The following ZNF24 variants were observed in gnomAD, a reference collection of about 807,000 sequenced individuals.
ZNF24 encodes zinc finger protein 24, also known as retinoic acid suppression protein A.
In ZNF24, 11 loss-of-function variants were observed where a neutral mutation model predicts 40.9. The ratio of observed to expected loss-of-function variants is 0.27; its 90% CI spans 0.17 to 0.45. The LOEUF (loss-of-function observed/expected upper bound fraction) is 0.45. ZNF24 is among the 20% of genes least tolerant of loss of function. The pLI is 1.00. For missense variants in ZNF24, 293 were observed against 437.7 expected (o/e 0.67, Z 2.95); for synonymous variants, 139 against 154.7 (o/e 0.90, Z 0.75).
rs2044897192 is a variant in ZNF24, at chr18:35,335,400, ATTG to A, written c.*1829_*1831del. Reference sequence around the variant, plus strand: ...TAATCTATAAAGCACATTTTTTATAATTGTTATCAGAAAACCTATAAACAAGCT... The same window carrying A: ...TAATCTATAAAGCACATTTTTTATAATTATCAGAAAACCTATAAACAAGCT... On this transcript the variant is annotated 3_prime_UTR_variant, in exon 4 of 4. Transcript: ENST00000261332. 2 of 152,184 alleles carry A rather than the reference ATTG, an allele frequency of 1.3e-5. No individual in the cohort carries two copies. The highest frequency in any genetic ancestry group is 6.5e-5 in the Admixed American group (1 of 15,284). 9.4% of individuals were successfully genotyped at this position (152,184 alleles called of 1,614,324 possible).
At position 35,336,441 on chromosome 18, in the gene ZNF24, A is replaced by C. The variant is rs2044910916; in HGVS notation, c.*791T>G. On this transcript the variant is annotated 3_prime_UTR_variant, in exon 4 of 4. Coordinates refer to ENST00000261332, the MANE Select transcript of ZNF24 (RefSeq NM_006965.4). ...GCTACAAATTTTTCCCTAGTGTTAT[A>C]ATTTCTACCTTCATTATTTTACAAC... is the stretch of plus-strand genomic sequence containing the variant. The C allele has an allele frequency of 6.6e-6, 1 of 152,292 alleles. No individual in the cohort carries two copies. Among genetic ancestry groups the C allele is most frequent in the East Asian group, 1.9e-4 (1 of 5,188 alleles). 9.4% of individuals were successfully genotyped at this position (152,292 alleles called of 1,614,324 possible).
In ZNF24 at chr18:35,340,813, A is replaced by G; in HGVS notation, c.-83-80T>C. 1 of 659,790 alleles carries G rather than the reference A, an allele frequency of 1.5e-6. No homozygotes were observed. 40.9% of individuals were successfully genotyped at this position (659,790 alleles called of 1,614,324 possible). A position where few individuals can be genotyped will look rare whatever the true frequency, so the allele number is the denominator to read the frequency against. ...GAACTTATACTGGTAAAAGTAAAAG[A>G]TACTTGTTCTTTGAGTTAAAAATTC... On this transcript the variant is annotated intron_variant, in intron 1 of 3. Transcript: ENST00000261332. The surrounding 1 kb of genome is among the most constrained non-coding windows in gnomAD (Gnocchi z 4.6).
In ZNF24 at chr18:35,337,622, A is replaced by C; in HGVS notation, c.717T>G (p.Phe239Leu). Residue 239 changes from phenylalanine to leucine, a missense_variant, in exon 4 of 4, where the codon TTT becomes TTG. Phe to Leu is a conservative substitution (Grantham distance 22). Transcript: ENST00000261332. ...TTCGAGAGGGATTTCTCTTTCTTTCAAACCTGCCCTTGGGGAAACAGGTTT... is the reference window on the plus strand; with the variant it reads ...TTCGAGAGGGATTTCTCTTTCTTTCCAACCTGCCCTTGGGGAAACAGGTTT... The part of the protein sequence containing the change: ...YGETCFPKGR[F>L]ERKRNPSRKK... 2 of 1,614,086 alleles carry C rather than the reference A, an allele frequency of 1.2e-6. No homozygotes were observed. The highest frequency in any genetic ancestry group is 1.7e-6 in the Non-Finnish European group (2 of 1,179,984).
At chr18:35,342,998 A>C (rs2044983443) in intron 1 of ZNF24, among the ~76,000 whole-genome samples, 1 of 152,170 alleles carries the variant, frequency 6.6e-6, no homozygotes, top group Non-Finnish European at 1.5e-5. Flanking sequence ...GTGTTTCCTG[A>C]CACACACAAG....
In ZNF24 at chr18:35,336,341, A is replaced by G. The variant is rs900923522; in HGVS notation, c.*891T>C. 23 of 152,258 alleles carry G rather than the reference A, an allele frequency of 1.5e-4. No individual in the cohort carries two copies. The highest frequency in any genetic ancestry group is 5.6e-4 in the African/African-American group (23 of 41,330). The allele number at this position is 152,258 out of a possible 1,614,324, so 9.4% of individuals were successfully genotyped here. A position where few individuals can be genotyped will look rare whatever the true frequency, so the allele number is the denominator to read the frequency against. On this transcript the variant is annotated 3_prime_UTR_variant, in exon 4 of 4. Transcript: ENST00000261332. The stretch of plus-strand genomic sequence containing the variant: ...AAAGATGAAGGCAAAATAATGATGA[A>G]CTCTATCATCTTTTTCTAAAAGCCA...
Position 35,334,362 on chromosome 18 carries a change from A to T in ZNF24, c.*2870T>A, listed in dbSNP as rs1342027004. The T allele has an allele frequency of 6.6e-6, 1 of 152,210 alleles. No individual in the cohort carries two copies. The highest frequency in any genetic ancestry group is 2.4e-5 in the African/African-American group (1 of 41,454). The allele number at this position is 152,210 out of a possible 1,614,324, so 9.4% of individuals were successfully genotyped here. ...CACATGCAAGTCACATGATCTCTGA[A>T]TCTTGCTTTCCTAGTCCACAAATCT... On this transcript the variant is annotated 3_prime_UTR_variant, in exon 4 of 4. Transcript: ENST00000261332.
Position 35,332,262 on chromosome 18 carries a change from AG to A in ZNF24, c.*4969del, listed in dbSNP as rs1433795177. On this transcript the variant is annotated 3_prime_UTR_variant, in exon 4 of 4. Transcript: ENST00000261332. ...CCATGCTAATTTTATTAACTTATAT[AG>A]TGCATAAAGTCTAGAATTTAAAATT... The A allele has an allele frequency of 6.6e-6, 1 of 152,254 alleles. No homozygotes were observed. The highest frequency in any genetic ancestry group is 1.5e-5 in the Non-Finnish European group (1 of 68,048). 9.4% of individuals were successfully genotyped at this position (152,254 alleles called of 1,614,324 possible).
Position 35,340,719 on chromosome 18 carries a change from T to C in ZNF24, c.-69A>G. The C allele has an allele frequency of 7.0e-7, 1 of 1,424,436 alleles. No homozygotes were observed. Among genetic ancestry groups the C allele is most frequent in the South Asian group, 1.3e-5 (1 of 76,156 alleles). The allele number at this position is 1,424,436 out of a possible 1,614,324, so 88.2% of individuals were successfully genotyped here. ...TAAGCCTCAGGGCAATACCCCGTTTTCTTCACAGGCACTCCTGAGGCATAA... is the reference window on the plus strand; with the variant it reads ...TAAGCCTCAGGGCAATACCCCGTTTCCTTCACAGGCACTCCTGAGGCATAA... On this transcript the variant is annotated 5_prime_UTR_variant, in exon 2 of 4. Transcript: ENST00000261332. The surrounding 1 kb of genome is among the most constrained non-coding windows in gnomAD (Gnocchi z 4.6).
chr18:35,343,855 G>A (rs1413424261), intron 1 of ZNF24: 1 of 121,660 alleles, frequency 8.2e-6, no homozygotes, highest in South Asian at 2.4e-4. Flanking sequence ...GTGTATCCCG[G>A]CCCCGGCCCC....
intron 3 of ZNF24, chr18:35,338,547 T>C: frequency 3.0e-6 from 3 of 986,268 alleles, no homozygotes; most frequent in Non-Finnish European, 3.6e-6. Context: ...CATTTAAGAC[T>C]TTTCTAAAAC....
In ZNF24 at chr18:35,340,535, C is replaced by T. The variant is rs2044958634; in HGVS notation, c.116G>A (p.Ser39Asn). The T allele has an allele frequency of 6.2e-7, 1 of 1,614,230 alleles. No individual in the cohort carries two copies. Among genetic ancestry groups the T allele is most frequent in the Non-Finnish European group, 8.5e-7 (1 of 1,180,042 alleles). ...EEDPDGEEGS[S>N]IPWNHLPDPE... ...GTCTGGGAGATGGTTCCAGGGGATACTTGATCCCTCTTCGCCATCAGGATC... is the reference window on the plus strand; with the variant it reads ...GTCTGGGAGATGGTTCCAGGGGATATTTGATCCCTCTTCGCCATCAGGATC... The change falls in exon 2 of 4, where the codon AGT becomes AAT. Residue 39 changes from serine (S) to asparagine (N), a missense_variant. Physicochemically the swap from Ser to Asn is conservative, Grantham distance 46 (BLOSUM62 1). Around this residue, in one of 2 missense-constraint regions of ZNF24, gnomAD observed 234 missense variants for 299.2 expected, o/e 0.78. Coordinates refer to ENST00000261332, the MANE Select transcript of ZNF24 (RefSeq NM_006965.4). The surrounding 1 kb of genome is among the most constrained non-coding windows in gnomAD (Gnocchi z 4.6).
chr18:35,338,467 T>C, intron 3 of ZNF24: 2 of 985,466 alleles, frequency 2.0e-6, no homozygotes, highest in Non-Finnish European at 1.2e-6. Context: ...ACGTGTCCAA[T>C]GAAAGAAAAG....
Position 35,340,011 on chromosome 18 carries a change from T to C in ZNF24, c.421-35A>G, listed in dbSNP as rs749932238. Reference sequence around the variant, plus strand: ...GAAAGATTTGATTCAGAGAAGGAACTGTAATGAGAATCAGAACTAAAAACA... The same window carrying C: ...GAAAGATTTGATTCAGAGAAGGAACCGTAATGAGAATCAGAACTAAAAACA... On this transcript the variant is annotated intron_variant, in intron 2 of 3. Coordinates refer to ENST00000261332, the MANE Select transcript of ZNF24 (RefSeq NM_006965.4). The surrounding 1 kb of genome is among the most constrained non-coding windows in gnomAD (Gnocchi z 4.6). 5 of 1,588,438 alleles carry C rather than the reference T, an allele frequency of 3.1e-6. No individual in the cohort carries two copies. The highest frequency in any genetic ancestry group is 3.4e-5 in the Admixed American group (2 of 58,028).
chr18:35,337,451 T>G lies in ZNF24; in HGVS notation c.888A>C (p.Gln296His). The part of the protein sequence containing the change: ...KAFSRSSILV[Q>H]HQRVHTGEKP... ...TTTCTCCAGTGTGGACTCTCTGGTG[T>G]TGCACAAGAATGGAACTTCGGCTGA... is the stretch of plus-strand genomic sequence containing the variant. Residue 296 changes from glutamine to histidine, a missense_variant, in exon 4 of 4, where the codon CAA (glutamine) becomes CAC (histidine). Gln to His is a conservative substitution (Grantham distance 24, BLOSUM62 0). Coordinates refer to ENST00000261332, the MANE Select transcript of ZNF24 (RefSeq NM_006965.4). 6.2e-7 allele frequency: 1 copy of G among 1,613,638 alleles called. No homozygotes were observed. Among genetic ancestry groups the G allele is most frequent in the Non-Finnish European group, 8.5e-7 (1 of 1,179,600 alleles).
rs1401190303 is a variant in ZNF24 at position 35,337,328 on chromosome 18, G to A, written c.1011C>T (p.Cys337=). ...RIHTGEKPYE[C]VQCGKSYSQS... The stretch of plus-strand genomic sequence containing the variant: ...GACTATACGATTTCCCACACTGAAC[G>A]CATTCATAAGGTTTCTCCCCAGTAT... The change falls in exon 4 of 4, where the codon TGC becomes TGT. Residue 337 remains cysteine (C), a synonymous_variant. Coordinates refer to ENST00000261332, the MANE Select transcript of ZNF24 (RefSeq NM_006965.4). The A allele has an allele frequency of 1.1e-5, 18 of 1,612,324 alleles. No individual in the cohort carries two copies. Among genetic ancestry groups the A allele is most frequent in the Admixed American group, 1.7e-5 (1 of 59,896 alleles).
chr18:35,338,458 C>T (rs1598685960), intron 3 of ZNF24: 3 of 985,262 alleles, frequency 3.0e-6, no homozygotes, highest in South Asian at 4.7e-5. Context: ...CTCAGTGAAA[C>T]GTGTCCAATG....
intron 1 of ZNF24, among the ~76,000 whole-genome samples, chr18:35,341,852 C>G (rs1320614027): frequency 2.6e-5 from 4 of 152,046 alleles, no homozygotes; most frequent in African/African-American, 9.7e-5. Context: ...CCACTGCATT[C>G]CAGCCTGGGC....
In ZNF24 at chr18:35,334,043, C is replaced by T. The variant is rs973108109; in HGVS notation, c.*3189G>A. The T allele has an allele frequency of 1.3e-5, 2 of 152,012 alleles. No homozygotes were observed. The highest frequency in any genetic ancestry group is 2.9e-5 in the Non-Finnish European group (2 of 67,992). The allele number at this position is 152,012 out of a possible 1,614,324, so 9.4% of individuals were successfully genotyped here. A position where few individuals can be genotyped will look rare whatever the true frequency, so the allele number is the denominator to read the frequency against. On this transcript the variant is annotated 3_prime_UTR_variant, in exon 4 of 4. Coordinates refer to ENST00000261332, the MANE Select transcript of ZNF24 (RefSeq NM_006965.4). ...CATGATAAAGCACTTCAAATAGTGC[C>T]TGTCACAGCAACCACAGGTGTCAGC...
Position 35,340,839 on chromosome 18 carries a change from C to T in ZNF24, c.-83-106G>A, listed in dbSNP as rs1350184393. Reference sequence around the variant, plus strand: ...TACTTGTTCTTTGAGTTAAAAATTCCAATCAATAACCTACACCAGGAATTG... The same window carrying T: ...TACTTGTTCTTTGAGTTAAAAATTCTAATCAATAACCTACACCAGGAATTG... On this transcript the variant is annotated intron_variant, in intron 1 of 3. Coordinates refer to ENST00000261332, the MANE Select transcript of ZNF24 (RefSeq NM_006965.4). This position sits in a 1 kb window ranked among gnomAD's most constrained non-coding sequence, Gnocchi z 4.6. 17 of 600,386 alleles carry T rather than the reference C, an allele frequency of 2.8e-5. No individual in the cohort carries two copies. Among genetic ancestry groups the T allele is most frequent in the Non-Finnish European group, 2.8e-6 (1 of 360,006 alleles). 37.2% of individuals were successfully genotyped at this position (600,386 alleles called of 1,614,324 possible). A position where few individuals can be genotyped will look rare whatever the true frequency, so the allele number is the denominator to read the frequency against.
Sources: gnomAD v4.1 joint callset for allele counts (sites outside exome capture counted in the v4.1 genomes callset) on GRCh38, gnomAD v4.1.1 for gene constraint, gnomAD v4.1.1 regional missense constraint, Gnocchi (gnomAD v3.1) non-coding constraint, MANE v1.5 for transcripts, NCBI Gene and HGNC (gene_info 2026-07-23, HGNC 2026-07-21) for gene names.